The following MTSS1 variants were observed in gnomAD, a reference collection of about 807,000 sequenced individuals.
MTSS1 encodes the protein protein MTSS 1.
In MTSS1, 18 loss-of-function variants were observed where a neutral mutation model predicts 79.0. The observed-to-expected ratio is 0.23, with a 90% CI of 0.16 to 0.34. The LOEUF is 0.34. Among genes scored for constraint, MTSS1 ranks in the 10% least tolerant of loss-of-function variants. The probability of loss-of-function intolerance (pLI) is 1.00; values close to 1 mark genes in which losing one functional copy is unlikely to be tolerated. For synonymous variants in MTSS1, 341 were observed against 368.6 expected (o/e 0.93, Z 0.86); for missense variants, 815 against 986.2 (o/e 0.83, Z 2.33).
chr8:124,555,697 G>A (rs1823517505), intron 13 of MTSS1, 45 bp downstream of exon 13: 1 of 1,530,536 alleles, frequency 6.5e-7, no homozygotes, highest in Non-Finnish European at 8.8e-7. Flanking sequence ...TCCTCACCTG[G>A]TGCTGCTCAG....
rs544512661 is a variant in MTSS1, at chr8:124,623,546, C to T, written c.209-32311G>A. On this transcript the variant is annotated intron_variant, in intron 3 of 13. Transcript: ENST00000518547. ...CAAATTGGCCCAAAAGAGAGAAATGCATAAAATTAACTGTCCAATTTAAGC... is the reference window on the plus strand; with the variant it reads ...CAAATTGGCCCAAAAGAGAGAAATGTATAAAATTAACTGTCCAATTTAAGC... Among the ~76,000 whole-genome samples the T allele has an allele frequency of 3.3e-5, 5 of 152,330 alleles. No individual in the cohort carries two copies. In the South Asian group the frequency reaches 8.3e-4, roughly 25 times the overall value.
At chr8:124,609,768 A>G (rs1355382052) in intron 3 of MTSS1, among the ~76,000 whole-genome samples, 1 of 152,250 alleles carries the variant, frequency 6.6e-6, no homozygotes, top group Non-Finnish European at 1.5e-5. Flanking sequence ...AGCAAAATGC[A>G]TGACTTAGAA....
chr8:124,705,567 C>A (rs1050064596), intron 1 of MTSS1, among the ~76,000 whole-genome samples: 3 of 152,152 alleles, frequency 2.0e-5, no homozygotes, highest in Non-Finnish European at 2.9e-5. Flanking sequence ...ATGTTATGAA[C>A]CCTGACAAGG....
At chr8:124,636,576 G>A (rs1817037661) in intron 3 of MTSS1, among the ~76,000 whole-genome samples, 1 of 152,176 alleles carries the variant, frequency 6.6e-6, no homozygotes, top group African/African-American at 2.4e-5. Flanking sequence ...TCTGACAGCT[G>A]TGACAAATGT....
intron 6 of MTSS1, among the ~76,000 whole-genome samples, chr8:124,574,475 C>T (rs1828552452): frequency 6.6e-6 from 1 of 152,230 alleles, no homozygotes; most frequent in African/African-American, 2.4e-5. Context: ...ACGGGCACAG[C>T]TAGAATCCAG....
At chr8:124,648,697 T>A (rs1404271766) in intron 3 of MTSS1, among the ~76,000 whole-genome samples, 1 of 145,880 alleles carries the variant, frequency 6.9e-6, no homozygotes, top group South Asian at 2.1e-4. Context: ...AGAGTCTTCA[T>A]CCCAAATAGC....
intron 3 of MTSS1, among the ~76,000 whole-genome samples, chr8:124,682,797 G>A (rs1360263811): frequency 6.6e-6 from 1 of 152,198 alleles, no homozygotes; most frequent in Non-Finnish European, 1.5e-5. Flanking sequence ...CACACAAAAA[G>A]CACATGCCTA....
chr8:124,708,937 A>G (rs2135550573), intron 1 of MTSS1, among the ~76,000 whole-genome samples: 1 of 152,106 alleles, frequency 6.6e-6, no homozygotes, highest in Admixed American at 6.5e-5. Context: ...GAGAAATGAA[A>G]AAAAAAAAAA....
chr8:124,673,759 T>A (rs1168017175), intron 3 of MTSS1, among the ~76,000 whole-genome samples: 1 of 152,182 alleles, frequency 6.6e-6, no homozygotes. Flanking sequence ...CACTATTTCT[T>A]TTTTTTCCTT....
At chr8:124,590,390 A>T (rs76002061) in intron 4 of MTSS1, among the ~76,000 whole-genome samples, 2,693 of 152,262 alleles carry the variant, frequency 0.018, 85 homozygotes, top group African/African-American at 0.062. Context: ...CACTATTTTT[A>T]AAAAAGACCC....
intron 3 of MTSS1, among the ~76,000 whole-genome samples, chr8:124,623,937 C>T (rs537018678): frequency 2.0e-5 from 3 of 152,358 alleles, no homozygotes; most frequent in African/African-American, 4.8e-5. Context: ...AGCCACCTTG[C>T]GGGGCCCGCG....
chr8:124,596,661 C>T (rs751430460), intron 3 of MTSS1, among the ~76,000 whole-genome samples: 1 of 152,200 alleles, frequency 6.6e-6, no homozygotes, highest in Non-Finnish European at 1.5e-5. Context: ...TTAAAGCAAC[C>T]GTAGTTCTGG....
At chr8:124,604,834 C>T (rs760417760) in intron 3 of MTSS1, among the ~76,000 whole-genome samples, 3 of 116,032 alleles carry the variant, frequency 2.6e-5, no homozygotes, top group Non-Finnish European at 5.2e-5. Context: ...TCCCACTTCA[C>T]GACTTTTCAA....
At chr8:124,615,061 A>C (rs1428279586) in intron 3 of MTSS1, among the ~76,000 whole-genome samples, 1 of 152,350 alleles carries the variant, frequency 6.6e-6, no homozygotes, top group Middle Eastern at 3.4e-3. Context: ...CCAGATGAAC[A>C]GAAGAGCACG....
At chr8:124,594,206 T>C (rs1382115527) in intron 3 of MTSS1, among the ~76,000 whole-genome samples, 1 of 152,208 alleles carries the variant, frequency 6.6e-6, no homozygotes, top group Non-Finnish European at 1.5e-5. Flanking sequence ...TGGTCACTTA[T>C]TATCCCCAGG....
At chr8:124,701,681 C>T (rs916754620) in intron 2 of MTSS1, among the ~76,000 whole-genome samples, 1 of 152,178 alleles carries the variant, frequency 6.6e-6, no homozygotes, top group African/African-American at 2.4e-5. Flanking sequence ...TACACAGTCA[C>T]CAGGGCTCCA....
chr8:124,647,689 C>T (rs188802822), intron 3 of MTSS1, among the ~76,000 whole-genome samples: 1 of 152,296 alleles, frequency 6.6e-6, no homozygotes, highest in East Asian at 1.9e-4. Flanking sequence ...AATCATTTCT[C>T]ACTTCTTCAA....
chr8:124,584,584 GATTATCAAGCTCCTCCCT>G (rs1830536565), intron 6 of MTSS1, among the ~76,000 whole-genome samples: 1 of 152,182 alleles, frequency 6.6e-6, no homozygotes, highest in South Asian at 2.1e-4. Context: ...CTCAGTGGTA[GATTATCAAGCTCCTCCCT>G]CATGAACACC....
intron 3 of MTSS1, among the ~76,000 whole-genome samples, chr8:124,604,954 T>C (rs1489678866): frequency 2.6e-5 from 4 of 152,184 alleles, no homozygotes; most frequent in African/African-American, 9.7e-5. Context: ...AAGACCAATA[T>C]TCCTCTTTGT....
Sources: allele counts gnomAD v4.1 joint callset (sites outside exome capture counted in the v4.1 genomes callset), GRCh38; gene constraint gnomAD v4.1.1; transcripts MANE v1.5; gene names NCBI Gene and HGNC (gene_info 2026-07-23, HGNC 2026-07-21).